NR1D1: variants seen among roughly 807,000 people sequenced by gnomAD.
The protein encoded by NR1D1 is Rev-ErbAalpha.
In NR1D1, 17 loss-of-function variants were observed where a neutral mutation model predicts 51.1. That is an observed-to-expected ratio of 0.33 (90% CI 0.23 to 0.50). The LOEUF is 0.50. Ranked by LOEUF, NR1D1 falls within the 20% of genes least tolerant of loss-of-function variation. The probability of loss-of-function intolerance (pLI) is 0.98; values close to 1 mark genes in which losing one functional copy is unlikely to be tolerated. For synonymous variants in NR1D1, 341 were observed against 333.4 expected, an observed-to-expected ratio of 1.02 and a Z score of -0.25; for missense variants, 647 against 830.4, an observed-to-expected ratio of 0.78 and a Z score of 2.71.
Position 40,093,207 on chromosome 17 carries a change from A to G in NR1D1, c.1721T>C (p.Val574Ala). Residue 574 changes from valine (V) to alanine (A), a missense_variant, in exon 8 of 8, where the codon GTG becomes GCG. This residue lies in a region of NR1D1 where 155 missense variants were observed against 236.8 expected (regional missense o/e 0.65). Transcript: ENST00000246672. This position sits in a 1 kb window ranked among gnomAD's most constrained non-coding sequence, Gnocchi z 5.9. ...AGTCTCCAAGGGCCGGTTCTTCAGCACCAGAGCCCGAAGAGCCCGCAGCAG... is the reference window on the plus strand; with the variant it reads ...AGTCTCCAAGGGCCGGTTCTTCAGCGCCAGAGCCCGAAGAGCCCGCAGCAG... ...ETLLRALRAL[V>A]LKNRPLETSR... is the part of the protein sequence containing the mutation. The G allele has an allele frequency of 6.2e-7, 1 of 1,613,756 alleles. No homozygotes were observed. The highest frequency in any genetic ancestry group is 8.5e-7 in the Non-Finnish European group (1 of 1,180,026).
intron 2 of NR1D1, 124 bp downstream of exon 2, chr17:40,096,941 C>A (rs1053045222): frequency 3.1e-5 from 37 of 1,195,298 alleles, no homozygotes; most frequent in Admixed American, 5.8e-5. Flanking sequence ...GGGGCTGGTG[C>A]CACTCTAGGA....
chr17:40,095,181 C>G (rs532609387), intron 5 of NR1D1, 61 bp from the exon 6 acceptor site: 3 of 1,520,806 alleles, frequency 2.0e-6, no homozygotes, highest in Non-Finnish European at 1.8e-6. Context: ...ATGGACGCCC[C>G]GAGCAGAGCT....
At chr17:40,098,895 A>C (rs1987816380) in intron 1 of NR1D1, among the ~76,000 whole-genome samples, 1 of 152,180 alleles carries the variant, frequency 6.6e-6, no homozygotes, top group Non-Finnish European at 1.5e-5. Flanking sequence ...GGTGCAAATA[A>C]GAGTGAAGTG....
Position 40,097,406 on chromosome 17 carries a change from GGA to G in NR1D1, c.32-5_32-4del. 2.5e-6 allele frequency: 4 copies of G among 1,598,968 alleles called. No homozygotes were observed. In the South Asian group the frequency reaches 3.4e-5, roughly 13 times the overall value. ...GCCAATGTAGGTGATGACGCCACCTGGAGAGAGAACAAAAGGAAAGGGGGTGT... is the reference window on the plus strand; with the variant it reads ...GCCAATGTAGGTGATGACGCCACCTGGAGAGAACAAAAGGAAAGGGGGTGT... On this transcript the variant is annotated splice_polypyrimidine_tract_variant and splice_region_variant and intron_variant, in intron 1 of 7. Transcript: ENST00000246672.
At chr17:40,094,616 G>A (rs780468081) in intron 6 of NR1D1, among the ~76,000 whole-genome samples, 7 of 152,256 alleles carry the variant, frequency 4.6e-5, no homozygotes, top group Non-Finnish European at 7.3e-5. Flanking sequence ...AGCAGGAAGC[G>A]TCTGGGTGCA....
At chr17:40,094,238 G>T in intron 6 of NR1D1, 116 bp from the exon 7 acceptor site, 1 of 905,718 alleles carries the variant, frequency 1.1e-6, no homozygotes, top group Non-Finnish European at 1.8e-6. Flanking sequence ...AGTAGAGTGG[G>T]GGTTGTTTCT....
At chr17:40,094,854 C>T (rs1314027580) in intron 6 of NR1D1, 81 bp downstream of exon 6, 5 of 1,348,138 alleles carry the variant, frequency 3.7e-6, no homozygotes, top group Non-Finnish European at 5.2e-6. Context: ...GTGGAGATCG[C>T]ACCATTGCAC....
rs777526203 is a variant in NR1D1 at position 40,095,513 on chromosome 17, C to T, written c.1179G>A (p.Val393=). 4 of 1,577,822 alleles carry T rather than the reference C, an allele frequency of 2.5e-6. No homozygotes were observed. The highest frequency in any genetic ancestry group is 2.6e-6 in the Non-Finnish European group (3 of 1,160,692). The part of the protein sequence containing the change: ...SNGHRLCPTH[V]YAAPEGKAPA... ...GTGCCTTGCCTTCTGGGGCTGCATACACGTGGGTGGGGCATAGACGGTGCC... is the reference window on the plus strand; with the variant it reads ...GTGCCTTGCCTTCTGGGGCTGCATATACGTGGGTGGGGCATAGACGGTGCC... Residue 393 remains valine, a synonymous_variant, in exon 5 of 8, where the codon GTG becomes GTA. Transcript: ENST00000246672.
At chr17:40,099,660 G>A (rs905336687) in intron 1 of NR1D1, among the ~76,000 whole-genome samples, 5 of 152,248 alleles carry the variant, frequency 3.3e-5, no homozygotes, top group African/African-American at 1.2e-4. Flanking sequence ...GGAACTAGAG[G>A]AGGGGGAAGA....
At chr17:40,094,262 G>A (rs1987700118) in intron 6 of NR1D1, 140 bp from the exon 7 acceptor site, 1 of 709,372 alleles carries the variant, frequency 1.4e-6, no homozygotes, top group Admixed American at 2.3e-5. Flanking sequence ...TGGCCAATGA[G>A]GGAGCCCAGG....
rs1987859111 is a variant in NR1D1 at position 40,100,556 on chromosome 17, C to G, written c.-462G>C. On this transcript the variant is annotated 5_prime_UTR_variant, in exon 1 of 8. Coordinates refer to ENST00000246672, the MANE Select transcript of NR1D1 (RefSeq NM_021724.5). ...GTCGCAAAGAGGCGAGACGTGTGCC[C>G]TGCTACGTTCCCTCGGCAGTAATAT... is the stretch of plus-strand genomic sequence containing the variant. 2.3e-6 allele frequency: 1 copy of G among 431,028 alleles called. No homozygotes were observed. The allele number at this position is 431,028 out of a possible 1,614,324, so 26.7% of individuals were successfully genotyped here. A position where few individuals can be genotyped will look rare whatever the true frequency, so the allele number is the denominator to read the frequency against.
Position 40,093,413 on chromosome 17 carries a change from A to C in NR1D1, c.1646-131T>G. 1.3e-6 allele frequency: 2 copies of C among 1,596,554 alleles called. No homozygotes were observed. The highest frequency in any genetic ancestry group is 1.7e-6 in the Non-Finnish European group (2 of 1,171,246). On this transcript the variant is annotated intron_variant, in intron 7 of 7. Transcript: ENST00000246672. This position sits in a 1 kb window ranked among gnomAD's most constrained non-coding sequence, Gnocchi z 5.9. Reference sequence around the variant, plus strand: ...CCCAGAAGGCCGATGGGGAAGGAGAAGGAGTGCCATACCTTCTCCCAGGCC... The same window carrying C: ...CCCAGAAGGCCGATGGGGAAGGAGACGGAGTGCCATACCTTCTCCCAGGCC...
intron 5 of NR1D1, 91 bp from the exon 6 acceptor site, chr17:40,095,211 G>C (rs1987727457): frequency 1.1e-5 from 15 of 1,354,520 alleles, no homozygotes; most frequent in Non-Finnish European, 1.5e-5. Context: ...ATTCTGCCTG[G>C]GCTAGGGGCT....
rs1555545734 is a variant in NR1D1, at chr17:40,094,080, G to C, written c.1477C>G (p.Gln493Glu). Residue 493 changes from glutamine (Q) to glutamate (E), a missense_variant, in exon 7 of 8, where the codon CAG (glutamine) becomes GAG (glutamate). Physicochemically the swap from Gln to Glu is conservative, Grantham distance 29. This residue lies in a region of NR1D1 where 155 missense variants were observed against 236.8 expected (regional missense o/e 0.65). Transcript: ENST00000246672. ...GTGCGGCTTAGGAACATCACTGTCTGGTCCTTCACGTTGAACAACGAAGCA... is the reference window on the plus strand; with the variant it reads ...GTGCGGCTTAGGAACATCACTGTCTCGTCCTTCACGTTGAACAACGAAGCA... Reference protein sequence around the residue: ...RFASLFNVKDQTVMFLSRTTY... With the variant: ...RFASLFNVKDETVMFLSRTTY... 1.9e-6 allele frequency: 3 copies of C among 1,614,014 alleles called. No individual in the cohort carries two copies. Among genetic ancestry groups the C allele is most frequent in the African/African-American group, 1.3e-5 (1 of 75,050 alleles).
rs201935022 is a variant in NR1D1 at position 40,100,034 on chromosome 17, G to A, written c.31+30C>T. 39 of 1,542,174 alleles carry A rather than the reference G, an allele frequency of 2.5e-5. 1 individual carries two copies. The South Asian group carries it at 4.5e-4, about 18-fold the overall frequency. On this transcript the variant is annotated intron_variant, in intron 1 of 7. Coordinates refer to ENST00000246672, the MANE Select transcript of NR1D1 (RefSeq NM_021724.5). ...ATGGAGGTGGGGAGACAGTGACAGG[G>A]AAAAGATGATAGTAAAGAAATCTCA... is the stretch of plus-strand genomic sequence containing the variant.
Position 40,093,179 on chromosome 17 carries a change from G to A in NR1D1, c.1749C>T (p.Ser583=). 6 of 1,613,954 alleles carry A rather than the reference G, an allele frequency of 3.7e-6. No individual in the cohort carries two copies. The South Asian group carries it at 6.6e-5, about 18-fold the overall frequency. ...LVLKNRPLET[S]RFTKLLLKLP... ...GCTTGAGCAGCAGCTTGGTGAAGCG[G>A]GAAGTCTCCAAGGGCCGGTTCTTCA... Residue 583 remains serine (S), a synonymous_variant, in exon 8 of 8, where the codon TCC becomes TCT. Transcript: ENST00000246672. The surrounding 1 kb of genome is among the most constrained non-coding windows in gnomAD (Gnocchi z 5.9).
At chr17:40,094,475 A>G (rs1333759285) in intron 6 of NR1D1, among the ~76,000 whole-genome samples, 3 of 152,228 alleles carry the variant, frequency 2.0e-5, no homozygotes, top group African/African-American at 4.8e-5. Context: ...ATCAAGAGGA[A>G]GCAGCAGGAG....
chr17:40,094,095 A>G lies in NR1D1; in HGVS notation c.1462T>C (p.Phe488Leu). The change falls in exon 7 of 8, where the codon TTC becomes CTC. Residue 488 changes from phenylalanine (F) to leucine (L), a missense_variant. This residue lies in a region of NR1D1 where 155 missense variants were observed against 236.8 expected (regional missense o/e 0.65). Transcript: ENST00000246672. Reference protein sequence around the residue: ...EVLMVRFASLFNVKDQTVMFL... With the variant: ...EVLMVRFASLLNVKDQTVMFL... Reference sequence around the variant, plus strand: ...ATCACTGTCTGGTCCTTCACGTTGAACAACGAAGCAAAGCGCACCATCAGC... The same window carrying G: ...ATCACTGTCTGGTCCTTCACGTTGAGCAACGAAGCAAAGCGCACCATCAGC... 6.2e-7 allele frequency: 1 copy of G among 1,614,002 alleles called. No homozygotes were observed. The highest frequency in any genetic ancestry group is 1.1e-5 in the South Asian group (1 of 91,084).
At chr17:40,098,960 G>C (rs954159973) in intron 1 of NR1D1, among the ~76,000 whole-genome samples, 28 of 151,942 alleles carry the variant, frequency 1.8e-4, no homozygotes, top group African/African-American at 6.8e-4. Flanking sequence ...GTGTAAAACA[G>C]AAGGCCATGA....
Sources: gnomAD v4.1 joint callset for allele counts (sites outside exome capture counted in the v4.1 genomes callset) on GRCh38, gnomAD v4.1.1 for gene constraint, gnomAD v4.1.1 regional missense constraint, Gnocchi (gnomAD v3.1) non-coding constraint, MANE v1.5 for transcripts, NCBI Gene and HGNC (gene_info 2026-07-23, HGNC 2026-07-21) for gene names.